The following CELF2 variants were observed in gnomAD, a reference collection of about 807,000 sequenced individuals.
CELF2 encodes the protein CUGBP Elav-like family member 2.
CELF2 carries 8 observed loss-of-function variants against 62.6 expected under a neutral mutation model. The observed-to-expected ratio is 0.13, with a 90% CI of 0.07 to 0.23. CELF2 has a LOEUF of 0.23. Ranked by LOEUF, CELF2 falls within the 10% of genes least tolerant of loss-of-function variation. The pLI is 1.00. For synonymous variants in CELF2, 258 were observed against 250.0 expected, an observed-to-expected ratio of 1.03 and a Z score of -0.30; for missense variants, 333 against 671.0, an observed-to-expected ratio of 0.50 and a Z score of 5.56.
At chr10:10,758,501 A>G in the CELF2 span, among the ~76,000 whole-genome samples, 2 of 152,198 alleles carry the variant, frequency 1.3e-5, no homozygotes, top group African/African-American at 4.8e-5. Context: ...AGGCAGATGT[A>G]TGATGCTGCT....
Position 11,267,698 on chromosome 10 carries a change from T to C in CELF2, c.618+1021T>C, listed in dbSNP as rs929021331. ...TATTTTTTTGTTTGTTTGTTTTTGTTTGTTTTTTGCAATGCTGCATCTCCC... is the reference window on the plus strand; with the variant it reads ...TATTTTTTTGTTTGTTTGTTTTTGTCTGTTTTTTGCAATGCTGCATCTCCC... On this transcript the variant is annotated intron_variant, in intron 6 of 12. Transcript: ENST00000633077. The surrounding 1 kb of genome is among the most constrained non-coding windows in gnomAD (Gnocchi z 4.4). Among the ~76,000 whole-genome samples, 1 of 152,226 alleles carries C rather than the reference T, an allele frequency of 6.6e-6. No individual in the cohort carries two copies. The highest frequency in any genetic ancestry group is 1.5e-5 in the Non-Finnish European group (1 of 68,036).
the CELF2 span, among the ~76,000 whole-genome samples, chr10:10,579,187 G>C: frequency 6.6e-6 from 1 of 152,168 alleles, no homozygotes; most frequent in South Asian, 2.1e-4. Flanking sequence ...TGATTTCTTG[G>C]AACTTCCAAA....
At position 11,130,725 on chromosome 10, in the gene CELF2, C is replaced by T. The variant is rs150271982; in HGVS notation, c.75-34761C>T. The stretch of plus-strand genomic sequence containing the variant: ...ATGTGTACTTAAAAAACAGTATATG[C>T]TATGCCAATAATTGTTGGGTAAGTG... On this transcript the variant is annotated intron_variant, in intron 1 of 12. Coordinates refer to ENST00000633077, the MANE Select transcript of CELF2 (RefSeq NM_001326342.2). 2.0e-3 allele frequency among the ~76,000 whole-genome samples: 306 copies of T among 152,278 alleles called. 3 individuals carry two copies. The highest frequency in any genetic ancestry group is 7.2e-3 in the African/African-American group (298 of 41,550).
At chr10:11,148,977 G>T (rs1248572460) in intron 1 of CELF2, among the ~76,000 whole-genome samples, 1 of 152,108 alleles carries the variant, frequency 6.6e-6, no homozygotes, top group Non-Finnish European at 1.5e-5. Flanking sequence ...CTCTGAGCTG[G>T]AATGCATTTG....
intron 2 of CELF2, among the ~76,000 whole-genome samples, chr10:11,189,050 T>TCTG (rs1204845536): frequency 1.3e-5 from 2 of 152,214 alleles, no homozygotes; most frequent in Non-Finnish European, 2.9e-5. Flanking sequence ...TGAGTCCTTG[T>TCTG]CTGCTAATTC....
At chr10:10,748,747 CAAAA>C in the CELF2 span, among the ~76,000 whole-genome samples, 4 of 36,966 alleles carry the variant, frequency 1.1e-4, no homozygotes, top group Admixed American at 3.2e-4. Context: ...GACTCTGTCT[CAAAA>C]AAAAAAAAAA....
Position 10,821,196 on chromosome 10 carries a change from G to A in CELF2, c.53+22379G>A, listed in dbSNP as rs181945960. 6.0e-4 allele frequency among the ~76,000 whole-genome samples: 91 copies of A among 152,310 alleles called. No homozygotes were observed. In the East Asian group the frequency reaches 0.015, roughly 24 times the overall value. On this transcript the variant is annotated intron_variant, in intron 1 of 13. Coordinates refer to the CELF2 transcript ENST00000636488. ...TTGGGGTTGACTTTGGACATCTAGC[G>A]TCCAAGGTACCTCTAATATGCCAAA...
rs891496204 is a variant in CELF2 at position 11,010,626 on chromosome 10, T to C, written c.53+5186T>C. On this transcript the variant is annotated intron_variant, in intron 1 of 12. Transcript: ENST00000416382. This position sits in a 1 kb window ranked among gnomAD's most constrained non-coding sequence, Gnocchi z 4.1. ...CGAGAGAGGTAAAGTCACAGGCCCA[T>C]AGACACAGTGGGAGGAACTATGACC... Among the ~76,000 whole-genome samples, 7 of 152,204 alleles carry C rather than the reference T, an allele frequency of 4.6e-5. No homozygotes were observed. Among genetic ancestry groups the C allele is most frequent in the Non-Finnish European group, 8.8e-5 (6 of 68,030 alleles).
chr10:10,642,711 G>A, the CELF2 span, among the ~76,000 whole-genome samples: 3 of 152,346 alleles, frequency 2.0e-5, no homozygotes, highest in Middle Eastern at 6.8e-3. Context: ...CCTAAAAATA[G>A]CAAAAGGAAT....
At chr10:10,752,802 T>TAAAAA in the CELF2 span, among the ~76,000 whole-genome samples, 24 of 116,530 alleles carry the variant, frequency 2.1e-4, no homozygotes, top group Middle Eastern at 4.5e-3. Context: ...ATACCGGTAG[T>TAAAAA]AAAAAAAAAA....
At chr10:10,508,468 G>A in the CELF2 span, among the ~76,000 whole-genome samples, 5 of 152,246 alleles carry the variant, frequency 3.3e-5, no homozygotes, top group South Asian at 4.1e-4. Context: ...AGAGAGCCTC[G>A]GCATGCTCTT....
Position 11,280,190 on chromosome 10 carries a change from A to C in CELF2, c.841+5070A>C, listed in dbSNP as rs2087846999. 6.6e-6 allele frequency among the ~76,000 whole-genome samples: 1 copy of C among 152,116 alleles called. No individual in the cohort carries two copies. Among genetic ancestry groups the C allele is most frequent in the Admixed American group, 6.5e-5 (1 of 15,276 alleles). Reference sequence around the variant, plus strand: ...TACCTCAGAAAAGAGAGAGCGACAGAGGGGAACCAGAAAGAGGACTTCCGG... The same window carrying C: ...TACCTCAGAAAAGAGAGAGCGACAGCGGGGAACCAGAAAGAGGACTTCCGG... On this transcript the variant is annotated intron_variant, in intron 8 of 12. Transcript: ENST00000633077. The surrounding 1 kb of genome is among the most constrained non-coding windows in gnomAD (Gnocchi z 7.6).
In CELF2 at chr10:10,970,532, A is replaced by T. The variant is rs143372375; in HGVS notation, c.89+50533A>T. ...CAGTATTCACATTTGTTCCAAAACC[A>T]AGAGATAGCTAGTGAGTTCTTGCTT... is the stretch of plus-strand genomic sequence containing the variant. On this transcript the variant is annotated intron_variant, in intron 2 of 13. Coordinates refer to the CELF2 transcript ENST00000636488. Among the ~76,000 whole-genome samples the T allele has an allele frequency of 1.6e-4, 25 of 152,348 alleles. No individual in the cohort carries two copies. The East Asian group carries it at 4.2e-3, about 26-fold the overall frequency.
chr10:11,010,083 G>A lies in CELF2; in HGVS notation c.53+4643G>A, dbSNP rs530319694. 2.0e-5 allele frequency: 3 copies of A among 152,350 alleles called. No individual in the cohort carries two copies. Among genetic ancestry groups the A allele is most frequent in the South Asian group, 2.1e-4 (1 of 4,828 alleles). 9.4% of individuals were successfully genotyped at this position (152,350 alleles called of 1,614,324 possible). On this transcript the variant is annotated intron_variant, in intron 1 of 12. Coordinates refer to the CELF2 transcript ENST00000416382. This position sits in a 1 kb window ranked among gnomAD's most constrained non-coding sequence, Gnocchi z 4.1. The stretch of plus-strand genomic sequence containing the variant: ...GTCCCACCAGGACAGCAGGCCCTGC[G>A]ATGTTGCTCATGCTTTGCTTTGTGA...
intron 3 of CELF2, among the ~76,000 whole-genome samples, chr10:11,225,111 G>T (rs1359828853): frequency 6.6e-6 from 1 of 151,496 alleles, no homozygotes; most frequent in African/African-American, 2.5e-5. Flanking sequence ...GTTGAAGTTG[G>T]TTTGATAATG....
rs1185714032 is a variant in CELF2, at chr10:11,335,561, T to C, written c.*6508T>C. On this transcript the variant is annotated 3_prime_UTR_variant, in exon 13 of 13. Transcript: ENST00000633077. The surrounding 1 kb of genome is among the most constrained non-coding windows in gnomAD (Gnocchi z 5.0). ...GGGCTGGCCGCCTCAGTGATGGTGATGCCACCAGCTCCAGCCTGCACGGAT... is the reference window on the plus strand; with the variant it reads ...GGGCTGGCCGCCTCAGTGATGGTGACGCCACCAGCTCCAGCCTGCACGGAT... 2 of 152,270 alleles carry C rather than the reference T, an allele frequency of 1.3e-5. No homozygotes were observed. The highest frequency in any genetic ancestry group is 6.5e-5 in the Admixed American group (1 of 15,288). 9.4% of individuals were successfully genotyped at this position (152,270 alleles called of 1,614,324 possible). A position where few individuals can be genotyped will look rare whatever the true frequency, so the allele number is the denominator to read the frequency against.
Position 10,998,994 on chromosome 10 carries a change from G to A in CELF2, c.89+78995G>A, listed in dbSNP as rs563397953. Among the ~76,000 whole-genome samples, 51 of 152,166 alleles carry A rather than the reference G, an allele frequency of 3.4e-4. No homozygotes were observed. The South Asian group carries it at 8.1e-3, about 24-fold the overall frequency. On this transcript the variant is annotated intron_variant, in intron 2 of 13. Coordinates refer to the CELF2 transcript ENST00000636488. ...ACAGTTTTATCATTTTATTTTCAAC[G>A]TACCCATATAAATGGTGCTTTAAAA...
At chr10:10,579,081 C>A in the CELF2 span, among the ~76,000 whole-genome samples, 1 of 151,962 alleles carries the variant, frequency 6.6e-6, no homozygotes, top group Non-Finnish European at 1.5e-5. Context: ...TTGTTCTCTA[C>A]ACAGGAACAT....
At chr10:11,022,743 T>G (rs2058535172) in intron 1 of CELF2, among the ~76,000 whole-genome samples, 1 of 152,210 alleles carries the variant, frequency 6.6e-6, no homozygotes, top group Non-Finnish European at 1.5e-5. Context: ...CAGCTGAGTG[T>G]AATACAGCCA....
Sources: gnomAD v4.1 joint callset for allele counts (sites outside exome capture counted in the v4.1 genomes callset) on GRCh38, gnomAD v4.1.1 for gene constraint, Gnocchi (gnomAD v3.1) non-coding constraint, MANE v1.5 for transcripts, NCBI Gene and HGNC (gene_info 2026-07-23, HGNC 2026-07-21) for gene names.